The following CYFIP1 variants were observed in gnomAD, a reference collection of about 807,000 sequenced individuals.
CYFIP1 encodes the protein cytoplasmic FMR1 interacting protein 1.
Under a neutral mutation model 163.5 loss-of-function variants are expected in CYFIP1, and 58 were observed. The ratio of observed to expected loss-of-function variants is 0.35; its 90% confidence interval spans 0.29 to 0.44. The LOEUF is 0.44. Ranked by LOEUF, CYFIP1 falls within the 20% of genes least tolerant of loss-of-function variation. The pLI, the probability that CYFIP1 is intolerant of heterozygous loss-of-function variation, is 1.00. For synonymous variants in CYFIP1, 663 were observed against 660.7 expected (o/e 1.00, Z -0.05); for missense variants, 1,338 against 1,653.8 (o/e 0.81, Z 3.31).
chr15:22,934,805 T>C (rs573996828), intron 9 of CYFIP1, among the ~76,000 whole-genome samples: 84 of 152,136 alleles, frequency 5.5e-4, no homozygotes, highest in African/African-American at 1.8e-3. Context: ...GCCAACTGCA[T>C]TTCTATATAC....
rs764351472 is a variant in CYFIP1 at position 22,918,769 on chromosome 15, T to C, written c.1449A>G (p.Ala483=). The change falls in exon 14 of 31, where the codon GCA becomes GCG. Residue 483 remains alanine, a synonymous_variant. Transcript: ENST00000617928. ...GGGTCACCTGGGAGAAGTCCTGCAG[T>C]GCGGCATAGACGGTGTGCCGGATGG... is the stretch of plus-strand genomic sequence containing the variant. The part of the protein sequence containing the change: ...NHAIRHTVYA[A]LQDFSQVTLR... The C allele has an allele frequency of 2.5e-6, 4 of 1,613,660 alleles. No homozygotes were observed. The highest frequency in any genetic ancestry group is 3.4e-6 in the Non-Finnish European group (4 of 1,179,834).
chr15:22,874,725 A>T, intron 27 of CYFIP1, 81 bp from the exon 28 acceptor site: 2 of 953,830 alleles, frequency 2.1e-6, no homozygotes, highest in South Asian at 2.4e-5. Context: ...TGTTTAAAAA[A>T]CAAAAGATTT....
At chr15:22,911,908 G>C (rs1007641210) in intron 18 of CYFIP1, among the ~76,000 whole-genome samples, 1 of 152,140 alleles carries the variant, frequency 6.6e-6, no homozygotes, top group Non-Finnish European at 1.5e-5. Context: ...AAATAAAACA[G>C]GAGTTGCTTC....
intron 4 of CYFIP1, 62 bp from the exon 5 acceptor site, chr15:22,944,721 G>GCTT: frequency 6.5e-7 from 1 of 1,537,560 alleles, no homozygotes; most frequent in Non-Finnish European, 9.0e-7. Flanking sequence ...CAGCCGCTGG[G>GCTT]CTTCTAGAGC....
rs371106851 is a variant in CYFIP1 at position 22,883,588 on chromosome 15, T to C, written c.2677-577A>G. Among the ~76,000 whole-genome samples the C allele has an allele frequency of 1.6e-3, 249 of 152,114 alleles. 1 individual carries two copies. Among genetic ancestry groups the C allele is most frequent in the Middle Eastern group, 6.8e-3 (2 of 292 alleles). On this transcript the variant is annotated intron_variant, in intron 23 of 30. Coordinates refer to ENST00000617928, the MANE Select transcript of CYFIP1 (RefSeq NM_014608.6). ...ATCCCAGCCCTTTGGGAGGCCGAGG[T>C]GGGCAGATCACAAGGTCAGGAGATG...
chr15:22,881,704 C>T (rs181464642), intron 25 of CYFIP1, 142 bp downstream of exon 25: 1 of 762,478 alleles, frequency 1.3e-6, no homozygotes, highest in Non-Finnish European at 2.2e-6. Context: ...CCCAACACAC[C>T]TCTTCCTGGT....
intron 1 of CYFIP1, among the ~76,000 whole-genome samples, chr15:22,967,997 G>A (rs370467775): frequency 2.0e-5 from 3 of 152,170 alleles, no homozygotes; most frequent in Non-Finnish European, 2.9e-5. Flanking sequence ...TTAGCCAGGC[G>A]TGGTGGCACA....
In CYFIP1 at chr15:22,904,201, C is replaced by T. The variant is rs79014867; in HGVS notation, c.2389-296G>A. Reference sequence around the variant, plus strand: ...TGTGGCCTGCTACTGCCACCCTTCCCCCCATGTGCCCGCTGAGCCCCGGCC... The same window carrying T: ...TGTGGCCTGCTACTGCCACCCTTCCTCCCATGTGCCCGCTGAGCCCCGGCC... On this transcript the variant is annotated intron_variant, in intron 21 of 30. Coordinates refer to ENST00000617928, the MANE Select transcript of CYFIP1 (RefSeq NM_014608.6). 3,267 of 482,404 alleles carry T rather than the reference C, an allele frequency of 6.8e-3. 101 individuals carry two copies. Among genetic ancestry groups the T allele is most frequent in the African/African-American group, 0.059 (3,003 of 51,284 alleles). 29.9% of individuals were successfully genotyped at this position (482,404 alleles called of 1,614,324 possible).
Position 22,875,254 on chromosome 15 carries a change from A to C in CYFIP1, c.3060T>G (p.Cys1020Trp). 1 of 1,614,112 alleles carries C rather than the reference A, an allele frequency of 6.2e-7. No homozygotes were observed. Among genetic ancestry groups the C allele is most frequent in the Non-Finnish European group, 8.5e-7 (1 of 1,179,970 alleles). The change falls in exon 27 of 31, where the codon TGT (cysteine) becomes TGG (tryptophan). Residue 1020 changes from cysteine (C) to tryptophan (W), a missense_variant. Coordinates refer to ENST00000617928, the MANE Select transcript of CYFIP1 (RefSeq NM_014608.6). The part of the protein sequence containing the change: ...IEQSLSLEEV[C>W]DLLHAAPFQN... Reference sequence around the variant, plus strand: ...GGAAAGGAGCCGCGTGCAGCAGGTCACACACTTCTTCTAAAGACTAGAGCA... The same window carrying C: ...GGAAAGGAGCCGCGTGCAGCAGGTCCCACACTTCTTCTAAAGACTAGAGCA...
At chr15:22,966,752 G>A (rs1004404656) in intron 1 of CYFIP1, among the ~76,000 whole-genome samples, 3 of 151,718 alleles carry the variant, frequency 2.0e-5, no homozygotes, top group South Asian at 4.2e-4. Context: ...CGAGACCCTC[G>A]CTCCAAGTTT....
chr15:22,912,808 C>A (rs1179772671), intron 17 of CYFIP1, among the ~76,000 whole-genome samples: 2 of 152,116 alleles, frequency 1.3e-5, no homozygotes, highest in African/African-American at 4.8e-5. Flanking sequence ...TGAGTCCCAG[C>A]TACTTGGGAG....
At chr15:22,938,054 G>T (rs1055855043) in intron 8 of CYFIP1, among the ~76,000 whole-genome samples, 2 of 152,206 alleles carry the variant, frequency 1.3e-5, no homozygotes, top group African/African-American at 2.4e-5. Context: ...TGCTCAGGAG[G>T]AGTCTGGGGG....
At chr15:22,904,279 TGA>T (rs1336259056) in intron 21 of CYFIP1, 1 of 297,030 alleles carries the variant, frequency 3.4e-6, no homozygotes, top group African/African-American at 2.2e-5. Context: ...GCGTTGGAGC[TGA>T]GCCAGCTTTC....
intron 13 of CYFIP1, 123 bp from the exon 14 acceptor site, chr15:22,918,981 C>G: frequency 1.4e-6 from 1 of 735,342 alleles, no homozygotes. Context: ...CGCGTTCGTG[C>G]CCTGCAGCTG....
Position 22,947,190 on chromosome 15 carries a change from C to T in CYFIP1, c.96G>A (p.Pro32=), listed in dbSNP as rs201401369. 2.6e-4 allele frequency: 414 copies of T among 1,614,018 alleles called. 2 individuals carry two copies. In the East Asian group the frequency reaches 6.8e-3, roughly 27 times the overall value. The change falls in exon 2 of 31, where the codon CCG becomes CCA. Residue 32 remains proline (P), a synonymous_variant. Coordinates refer to ENST00000617928, the MANE Select transcript of CYFIP1 (RefSeq NM_014608.6). ...CCACCTGGTAGAGCAGCGAGGATGG[C>T]GGGGGCTCGATGCAGGGCTGCTGGT... ...LPDQQPCIEP[P]PSSLLYQPNF... is the part of the protein sequence containing the mutation.
intron 12 of CYFIP1, among the ~76,000 whole-genome samples, chr15:22,927,549 T>C (rs957464565): frequency 2.7e-5 from 4 of 148,530 alleles, no homozygotes; most frequent in Admixed American, 2.7e-4. Flanking sequence ...CCCAGCAACT[T>C]GGGAGGCTGA....
At chr15:22,883,997 G>T (rs145302925) in intron 23 of CYFIP1, among the ~76,000 whole-genome samples, 53 of 152,200 alleles carry the variant, frequency 3.5e-4, no homozygotes, top group Non-Finnish European at 3.7e-4. Flanking sequence ...ATCAGATCTC[G>T]TGAGAACTCA....
rs143941531 is a variant in CYFIP1, at chr15:22,885,184, C to T, written c.2677-2173G>A. 1.4e-3 allele frequency among the ~76,000 whole-genome samples: 220 copies of T among 152,284 alleles called. 2 individuals carry two copies. The highest frequency in any genetic ancestry group is 5.1e-3 in the African/African-American group (211 of 41,550). On this transcript the variant is annotated intron_variant, in intron 23 of 30. Coordinates refer to ENST00000617928, the MANE Select transcript of CYFIP1 (RefSeq NM_014608.6). ...CTCCAGAAAATGGGTTTTTCTTTTCCATCACATCCTCAGGCTGCAAATTTT... is the reference window on the plus strand; with the variant it reads ...CTCCAGAAAATGGGTTTTTCTTTTCTATCACATCCTCAGGCTGCAAATTTT...
intron 24 of CYFIP1, 35 bp from the exon 25 acceptor site, chr15:22,881,971 C>G (rs755966186): frequency 6.3e-7 from 1 of 1,586,476 alleles, no homozygotes; most frequent in South Asian, 1.1e-5. Context: ...CGTCAGCCAC[C>G]CCACTCCGCT....
Sources: allele counts gnomAD v4.1 joint callset (sites outside exome capture counted in the v4.1 genomes callset), GRCh38; gene constraint gnomAD v4.1.1; transcripts MANE v1.5; gene names NCBI Gene and HGNC (gene_info 2026-07-23, HGNC 2026-07-21).